MGMT: variants seen among roughly 807,000 people sequenced by gnomAD.
MGMT encodes methylated-DNA--protein-cysteine methyltransferase.
In MGMT, 14 loss-of-function variants were observed where a neutral mutation model predicts 15.9. That is an observed-to-expected ratio of 0.88 (90% confidence interval 0.58 to 1.37). The LOEUF (loss-of-function observed/expected upper bound fraction) is 1.37, where lower values mean the gene tolerates loss of function less well. MGMT is among the 40% of genes most tolerant of loss of function. The probability of loss-of-function intolerance (pLI) is 0.00; values close to 1 mark genes in which losing one functional copy is unlikely to be tolerated. For missense variants in MGMT, 282 were observed against 268.1 expected (o/e 1.05, Z -0.36); for synonymous variants, 130 against 118.2 (o/e 1.10, Z -0.65).
At chr10:129,617,253 A>G (rs1847038310) in intron 2 of MGMT, among the ~76,000 whole-genome samples, 1 of 152,150 alleles carries the variant, frequency 6.6e-6, no homozygotes, top group Non-Finnish European at 1.5e-5. Flanking sequence ...ATGGATGCAA[A>G]TGATCTCATT....
At chr10:129,657,674 A>AACACACACACACACACACAC (rs60284981) in intron 2 of MGMT, among the ~76,000 whole-genome samples, 7 of 93,510 alleles carry the variant, frequency 7.5e-5, no homozygotes, top group African/African-American at 2.2e-4. Context: ...CAGCTCCTCC[A>AACACACACACACACACACAC]ACACACACAC....
At chr10:129,706,768 G>C (rs937304806) in intron 2 of MGMT, among the ~76,000 whole-genome samples, 3 of 152,168 alleles carry the variant, frequency 2.0e-5, no homozygotes, top group Non-Finnish European at 4.4e-5. Flanking sequence ...CTCCCCTTCA[G>C]GGCCATGTCC....
chr10:129,716,223 A>T (rs1848294784), intron 3 of MGMT, among the ~76,000 whole-genome samples: 1 of 152,166 alleles, frequency 6.6e-6, no homozygotes, highest in African/African-American at 2.4e-5. Flanking sequence ...GCCCTTCCAA[A>T]GATTCAGGTT....
At chr10:129,484,166 T>C (rs12784489) in intron 1 of MGMT, among the ~76,000 whole-genome samples, 15,756 of 152,204 alleles carry the variant, frequency 0.1, 992 homozygotes, top group Non-Finnish European at 0.13. Flanking sequence ...TTACCTCATA[T>C]AGATTTTTCA....
chr10:129,696,232 A>G (rs537975230), intron 2 of MGMT, among the ~76,000 whole-genome samples: 1 of 152,268 alleles, frequency 6.6e-6, no homozygotes, highest in African/African-American at 2.4e-5. Flanking sequence ...GACTATTTAC[A>G]GTTACAGCAT....
intron 3 of MGMT, among the ~76,000 whole-genome samples, chr10:129,741,734 G>A (rs980931821): frequency 1.3e-5 from 2 of 152,196 alleles, no homozygotes; most frequent in Admixed American, 6.5e-5. Flanking sequence ...CATGCATCCC[G>A]TTTCCCAGAG....
At chr10:129,640,069 A>G (rs1014090219) in intron 2 of MGMT, among the ~76,000 whole-genome samples, 1 of 150,724 alleles carries the variant, frequency 6.6e-6, no homozygotes, top group African/African-American at 2.4e-5. Context: ...CGCTACCCAT[A>G]TGTTTGACTG....
intron 2 of MGMT, among the ~76,000 whole-genome samples, chr10:129,590,913 A>T (rs1205462712): frequency 6.6e-6 from 1 of 152,248 alleles, no homozygotes; most frequent in East Asian, 1.9e-4. Context: ...AGGTGGTCAA[A>T]TTACCTTCGC....
chr10:129,634,935 A>ATAGATTTCC (rs1847248864), intron 2 of MGMT, among the ~76,000 whole-genome samples: 1 of 152,098 alleles, frequency 6.6e-6, no homozygotes, highest in African/African-American at 2.4e-5. Flanking sequence ...CTGCATTCTG[A>ATAGATTTCC]TAGATTTCCT....
chr10:129,574,758 T>C (rs1025004607), intron 2 of MGMT, among the ~76,000 whole-genome samples: 1 of 152,228 alleles, frequency 6.6e-6, no homozygotes, highest in Admixed American at 6.5e-5. Context: ...GTGAGCATTG[T>C]CGCAGACTTG....
intron 3 of MGMT, among the ~76,000 whole-genome samples, chr10:129,738,146 C>G (rs932908121): frequency 6.6e-5 from 10 of 152,260 alleles, no homozygotes; most frequent in Non-Finnish European, 2.9e-5. Context: ...GGTGCCCCTC[C>G]CCAAGCCTCG....
intron 2 of MGMT, among the ~76,000 whole-genome samples, chr10:129,688,444 A>G (rs1234905908): frequency 6.6e-6 from 1 of 152,196 alleles, no homozygotes; most frequent in Non-Finnish European, 1.5e-5. Context: ...ATGGCCAGTG[A>G]TGGTGAGCAT....
intron 3 of MGMT, chr10:129,717,985 T>C (rs1848319470): frequency 6.6e-6 from 1 of 152,196 alleles, no homozygotes; most frequent in Admixed American, 6.5e-5. Flanking sequence ...GGAAATGGAA[T>C]CTGGCCTTGC....
chr10:129,680,124 G>C (rs529394959), intron 2 of MGMT, among the ~76,000 whole-genome samples: 1 of 152,164 alleles, frequency 6.6e-6, no homozygotes, highest in Admixed American at 6.5e-5. Context: ...ATATCCTATC[G>C]ATTTGTGACA....
intron 1 of MGMT, among the ~76,000 whole-genome samples, chr10:129,500,390 G>A (rs1845563377): frequency 6.6e-6 from 1 of 152,086 alleles, no homozygotes; most frequent in African/African-American, 2.4e-5. Flanking sequence ...TCTGGGGATT[G>A]GAATCTCCAC....
At chr10:129,557,129 CAA>C (rs1242333858) in intron 2 of MGMT, among the ~76,000 whole-genome samples, 1 of 152,178 alleles carries the variant, frequency 6.6e-6, no homozygotes, top group Non-Finnish European at 1.5e-5. Flanking sequence ...AATACAATAA[CAA>C]ATTACGAAGC....
At chr10:129,530,835 C>T (rs1845922909) in intron 1 of MGMT, among the ~76,000 whole-genome samples, 1 of 152,218 alleles carries the variant, frequency 6.6e-6, no homozygotes, top group Non-Finnish European at 1.5e-5. Context: ...TTCACCCTGG[C>T]CTGCGTGGCT....
chr10:129,769,931 G>A lies in MGMT; in HGVS notation c.*2934G>A, dbSNP rs905693012. Among the ~76,000 whole-genome samples, 2 of 152,200 alleles carry A rather than the reference G, an allele frequency of 1.3e-5. No homozygotes were observed. The highest frequency in any genetic ancestry group is 2.4e-5 in the African/African-American group (1 of 41,456). ...TGAATTTGCACTTCCAGATGTGAAG[G>A]TTGCAGGCACCGGGCGTTGCAGAGG... On this transcript the variant is annotated 3_prime_UTR_variant, in exon 5 of 5. Transcript: ENST00000651593.
At chr10:129,690,179 A>G (rs545431542) in intron 2 of MGMT, among the ~76,000 whole-genome samples, 3 of 152,378 alleles carry the variant, frequency 2.0e-5, no homozygotes, top group South Asian at 4.1e-4. Context: ...TTTATATCAC[A>G]TATTTACTTC....
Sources: allele counts gnomAD v4.1 joint callset (sites outside exome capture counted in the v4.1 genomes callset), GRCh38; gene constraint gnomAD v4.1.1; transcripts MANE v1.5; gene names NCBI Gene and HGNC (gene_info 2026-07-23, HGNC 2026-07-21).